The following SEMA6D variants were observed in gnomAD, a reference collection of about 807,000 sequenced individuals.
The protein encoded by SEMA6D is semaphorin-6D.
A neutral mutation model predicts 106.6 loss-of-function variants in SEMA6D; 35 were observed. That is an observed-to-expected ratio of 0.33 (90% CI 0.25 to 0.44). SEMA6D has a LOEUF of 0.44. Ranked by LOEUF, SEMA6D falls within the 20% of genes least tolerant of loss-of-function variation. The pLI, the probability that SEMA6D is intolerant of heterozygous loss-of-function variation, is 1.00. For synonymous variants in SEMA6D, 499 were observed against 487.7 expected, an observed-to-expected ratio of 1.02 and a Z score of -0.31; for missense variants, 1,185 against 1,345.9, an observed-to-expected ratio of 0.88 and a Z score of 1.87.
intron 4 of SEMA6D, among the ~76,000 whole-genome samples, chr15:47,636,876 C>A (rs1332466461): frequency 6.6e-6 from 1 of 152,168 alleles, no homozygotes. Context: ...GTTAGAGGAT[C>A]GCTAAAGATT....
At position 47,552,502 on chromosome 15, in the gene SEMA6D, A is replaced by G. The variant is rs895859919; in HGVS notation, c.-86-48363A>G. ...TGTGTGTGTCTGTGTGTGTATATAT[A>G]TGTGTGTGTGTATATATATGTATAC... On this transcript the variant is annotated intron_variant, in intron 3 of 19. Transcript: ENST00000558014. Among the ~76,000 whole-genome samples the G allele has an allele frequency of 8.1e-5, 10 of 123,538 alleles. No homozygotes were observed. In the South Asian group the frequency reaches 1.5e-3, roughly 18 times the overall value. The allele number at this position is 123,538 out of a possible 152,430, so 81.0% of individuals were successfully genotyped here.
chr15:47,577,466 A>C (rs1011076682), intron 3 of SEMA6D, among the ~76,000 whole-genome samples: 1 of 152,242 alleles, frequency 6.6e-6, no homozygotes, highest in Admixed American at 6.5e-5. Flanking sequence ...GATAATTTGC[A>C]AGTGATGGGA....
intron 1 of SEMA6D, among the ~76,000 whole-genome samples, chr15:47,313,411 T>C (rs1444129471): frequency 1.3e-5 from 2 of 152,206 alleles, no homozygotes; most frequent in African/African-American, 4.8e-5. Context: ...TTTAGTAATA[T>C]GCATTTAAGC....
chr15:47,336,447 A>G (rs533100312), intron 1 of SEMA6D, among the ~76,000 whole-genome samples: 70 of 152,318 alleles, frequency 4.6e-4, no homozygotes, highest in African/African-American at 1.6e-3. Flanking sequence ...GGCTCATGGC[A>G]AAAGCCTGTG....
At chr15:47,489,556 A>G (rs1159716992) in intron 3 of SEMA6D, among the ~76,000 whole-genome samples, 2 of 152,166 alleles carry the variant, frequency 1.3e-5, no homozygotes, top group South Asian at 2.1e-4. Flanking sequence ...TCCCTCCACA[A>G]TGCATCTCCT....
At chr15:47,540,354 G>A (rs1159142600) in intron 3 of SEMA6D, among the ~76,000 whole-genome samples, 1 of 151,894 alleles carries the variant, frequency 6.6e-6, no homozygotes, top group African/African-American at 2.4e-5. Flanking sequence ...GGCGACCTCT[G>A]AATGTGAGAT....
chr15:47,227,554 G>A (rs201076943), intron 1 of SEMA6D, among the ~76,000 whole-genome samples: 1 of 134,856 alleles, frequency 7.4e-6, no homozygotes, highest in Non-Finnish European at 1.6e-5. Context: ...CTCTCTCTCT[G>A]TCTCTCTCTC....
At chr15:47,184,183 C>G (rs1292465349) in exon 1 of SEMA6D, 2 of 152,648 alleles carry the variant, frequency 1.3e-5, no homozygotes, top group Non-Finnish European at 2.9e-5. Context: ...CGGACGAACC[C>G]GGAGAAGAGA....
At chr15:47,477,774 G>A (rs578001979) in intron 3 of SEMA6D, among the ~76,000 whole-genome samples, 1 of 152,136 alleles carries the variant, frequency 6.6e-6, no homozygotes, top group South Asian at 2.1e-4. Flanking sequence ...CATTGGTAAA[G>A]CTGGATAAAG....
chr15:47,468,960 C>T (rs1220894811), intron 2 of SEMA6D, among the ~76,000 whole-genome samples: 1 of 152,142 alleles, frequency 6.6e-6, no homozygotes, highest in Non-Finnish European at 1.5e-5. Context: ...CCTGGATTTT[C>T]CTTTTCATTG....
At chr15:47,476,855 G>C (rs2043017061) in intron 3 of SEMA6D, among the ~76,000 whole-genome samples, 1 of 152,040 alleles carries the variant, frequency 6.6e-6, no homozygotes, top group Non-Finnish European at 1.5e-5. Flanking sequence ...GAGAGCCCTT[G>C]GTCAGGTCGT....
intron 1 of SEMA6D, among the ~76,000 whole-genome samples, chr15:47,283,820 A>G (rs906477754): frequency 1.3e-5 from 2 of 152,198 alleles, no homozygotes; most frequent in East Asian, 1.9e-4. Flanking sequence ...GGCACAGGCA[A>G]ACCATTCACA....
At chr15:47,600,380 T>G (rs546680347) in intron 3 of SEMA6D, among the ~76,000 whole-genome samples, 1 of 152,266 alleles carries the variant, frequency 6.6e-6, no homozygotes, top group East Asian at 1.9e-4. Flanking sequence ...TCCAGCCTAA[T>G]TGTTAAATGA....
chr15:47,670,465 A>C (rs1044589880), intron 4 of SEMA6D, among the ~76,000 whole-genome samples: 3 of 152,182 alleles, frequency 2.0e-5, no homozygotes, highest in Non-Finnish European at 4.4e-5. Flanking sequence ...CAAGGTCAGG[A>C]GTCTTGGCTA....
Position 47,444,920 on chromosome 15 carries a change from C to G in SEMA6D, c.-158-25554C>G, listed in dbSNP as rs2041984617. Among the ~76,000 whole-genome samples, 3 of 152,096 alleles carry G rather than the reference C, an allele frequency of 2.0e-5. No individual in the cohort carries two copies. In the South Asian group the frequency reaches 6.2e-4, roughly 32 times the overall value. On this transcript the variant is annotated intron_variant, in intron 2 of 19. Coordinates refer to the SEMA6D transcript ENST00000558014. Reference sequence around the variant, plus strand: ...CCAGCGTCCAGGAAAAATCAGGTCACACACGGACTTGAAGGATGAATGTGG... The same window carrying G: ...CCAGCGTCCAGGAAAAATCAGGTCAGACACGGACTTGAAGGATGAATGTGG...
At chr15:47,282,295 T>G (rs541587622) in intron 1 of SEMA6D, among the ~76,000 whole-genome samples, 1 of 152,320 alleles carries the variant, frequency 6.6e-6, no homozygotes, top group Admixed American at 6.5e-5. Context: ...GTTTTTGAAT[T>G]TTGTGTAAAC....
At chr15:47,220,850 T>C (rs904111084) in intron 1 of SEMA6D, among the ~76,000 whole-genome samples, 1 of 152,222 alleles carries the variant, frequency 6.6e-6, no homozygotes, top group African/African-American at 2.4e-5. Context: ...TTACAGAAGA[T>C]TAATCCTCTT....
intron 4 of SEMA6D, among the ~76,000 whole-genome samples, chr15:47,668,551 T>C (rs530155014): frequency 3.0e-4 from 45 of 152,292 alleles, no homozygotes; most frequent in African/African-American, 1.0e-3. Flanking sequence ...CCCCCTTCTC[T>C]GCTGCATGTT....
chr15:47,531,289 T>C (rs1462197741), intron 3 of SEMA6D, among the ~76,000 whole-genome samples: 2 of 152,204 alleles, frequency 1.3e-5, no homozygotes, highest in Non-Finnish European at 1.5e-5. Context: ...GGCATTAAGA[T>C]TGTGGTTTAA....
Sources: allele counts gnomAD v4.1 joint callset (sites outside exome capture counted in the v4.1 genomes callset), GRCh38; gene constraint gnomAD v4.1.1; transcripts MANE v1.5; gene names NCBI Gene and HGNC (gene_info 2026-07-23, HGNC 2026-07-21).